CDH13: variants seen among roughly 807,000 people sequenced by gnomAD.
CDH13 encodes the protein cadherin 13.
CDH13 carries 24 observed loss-of-function variants against 63.8 expected under a neutral mutation model. That is an observed-to-expected ratio of 0.38 (90% CI 0.27 to 0.53). CDH13 has a LOEUF of 0.53. Ranked by LOEUF, CDH13 falls within the 20% of genes least tolerant of loss-of-function variation. CDH13 has a pLI of 0.85. For synonymous variants in CDH13, 503 were observed against 355.3 expected, an observed-to-expected ratio of 1.42 and a Z score of -4.67; for missense variants, 1,049 against 903.1, an observed-to-expected ratio of 1.16 and a Z score of -2.07.
rs111875920 is a variant in CDH13 at position 83,421,783 on chromosome 16, C to A, written c.782-64694C>A. ...TGTGGTGAACAGCCAACAAGATTGG[C>A]CACAGTGGAATTAACGACATCAGTG... On this transcript the variant is annotated intron_variant, in intron 6 of 13. Transcript: ENST00000567109. Among the ~76,000 whole-genome samples, 4 of 152,240 alleles carry A rather than the reference C, an allele frequency of 2.6e-5. 1 individual carries two copies. Among genetic ancestry groups the A allele is most frequent in the African/African-American group, 9.6e-5 (4 of 41,528 alleles).
intron 7 of CDH13, among the ~76,000 whole-genome samples, chr16:83,554,340 G>A (rs1034029759): frequency 5.3e-5 from 8 of 152,084 alleles, no homozygotes; most frequent in African/African-American, 9.7e-5. Flanking sequence ...AAATGAGATC[G>A]AAGAAGAGAT....
chr16:82,756,055 C>T (rs572432597), intron 1 of CDH13, among the ~76,000 whole-genome samples: 1 of 152,236 alleles, frequency 6.6e-6, no homozygotes, highest in East Asian at 1.9e-4. Context: ...GTGGTATTTT[C>T]AAGTTTATGC....
At chr16:83,689,383 C>G (rs888152069) in intron 10 of CDH13, among the ~76,000 whole-genome samples, 1 of 152,106 alleles carries the variant, frequency 6.6e-6, no homozygotes, top group African/African-American at 2.4e-5. Context: ...AGGATTGCAA[C>G]AGAAGTCAGT....
chr16:82,841,941 A>G (rs999183257), intron 1 of CDH13, among the ~76,000 whole-genome samples: 1 of 151,518 alleles, frequency 6.6e-6, no homozygotes, highest in Admixed American at 6.6e-5. Flanking sequence ...TGCCCTGGAC[A>G]TTGTCAAAAC....
chr16:83,580,844 A>G (rs1385263350), intron 7 of CDH13, among the ~76,000 whole-genome samples: 1 of 152,100 alleles, frequency 6.6e-6, no homozygotes, highest in Non-Finnish European at 1.5e-5. Flanking sequence ...TTCTTATTAA[A>G]GTTTCCATGC....
At chr16:83,291,418 G>C (rs968600466) in intron 5 of CDH13, among the ~76,000 whole-genome samples, 1 of 151,974 alleles carries the variant, frequency 6.6e-6, no homozygotes, top group Non-Finnish European at 1.5e-5. Context: ...GAGGTTTGGC[G>C]ACCCAGCTAC....
intron 6 of CDH13, among the ~76,000 whole-genome samples, chr16:83,468,337 A>G (rs2073368935): frequency 6.6e-6 from 1 of 152,208 alleles, no homozygotes. Context: ...TGTGGCCGCC[A>G]GCCAAAGAAT....
intron 6 of CDH13, among the ~76,000 whole-genome samples, chr16:83,401,901 A>T (rs911429946): frequency 6.6e-6 from 1 of 152,174 alleles, no homozygotes; most frequent in Non-Finnish European, 1.5e-5. Context: ...TGCACTGAAT[A>T]TATTCGTTTC....
In CDH13 at chr16:83,298,661, A is replaced by G. The variant is rs547685285; in HGVS notation, c.637-46201A>G. On this transcript the variant is annotated intron_variant, in intron 5 of 13. Transcript: ENST00000567109. Reference sequence around the variant, plus strand: ...TTGATTTCCTTAGAAAACCTTCAAAACAGCAGTGTCACAGAATCACTCTTG... The same window carrying G: ...TTGATTTCCTTAGAAAACCTTCAAAGCAGCAGTGTCACAGAATCACTCTTG... 3.3e-5 allele frequency among the ~76,000 whole-genome samples: 5 copies of G among 152,322 alleles called. No homozygotes were observed. In the East Asian group the frequency reaches 9.7e-4, roughly 29 times the overall value.
intron 1 of CDH13, among the ~76,000 whole-genome samples, chr16:82,647,296 A>G (rs2150900536): frequency 6.6e-6 from 1 of 152,352 alleles, no homozygotes; most frequent in South Asian, 2.1e-4. Context: ...GAGGAAATGG[A>G]CAGATAGGAC....
At chr16:82,803,889 G>A (rs1171687326) in intron 1 of CDH13, among the ~76,000 whole-genome samples, 1 of 152,126 alleles carries the variant, frequency 6.6e-6, no homozygotes, top group African/African-American at 2.4e-5. Flanking sequence ...GAGATGTTTT[G>A]TACAACTTAG....
At chr16:83,755,401 C>T (rs1913425075) in intron 11 of CDH13, among the ~76,000 whole-genome samples, 1 of 151,976 alleles carries the variant, frequency 6.6e-6, no homozygotes, top group East Asian at 1.9e-4. Flanking sequence ...GATGTAATGT[C>T]CAGGAATTTT....
At chr16:83,429,337 T>C (rs2072017578) in intron 6 of CDH13, among the ~76,000 whole-genome samples, 1 of 152,202 alleles carries the variant, frequency 6.6e-6, no homozygotes, top group Non-Finnish European at 1.5e-5. Flanking sequence ...AGGGGACTTA[T>C]GCAAACCTCT....
At chr16:83,310,511 G>A (rs994441750) in intron 5 of CDH13, among the ~76,000 whole-genome samples, 12 of 152,222 alleles carry the variant, frequency 7.9e-5, no homozygotes, top group African/African-American at 2.9e-4. Flanking sequence ...CAAATTGGAA[G>A]TAAGACAGGT....
At chr16:83,447,162 C>A (rs1398432791) in intron 6 of CDH13, among the ~76,000 whole-genome samples, 4 of 114,232 alleles carry the variant, frequency 3.5e-5, no homozygotes, top group African/African-American at 3.4e-5. Context: ...CGCCTGTAAT[C>A]CCAGCTCTTT....
intron 4 of CDH13, among the ~76,000 whole-genome samples, chr16:83,138,937 G>A (rs2036414340): frequency 6.6e-6 from 1 of 152,142 alleles, no homozygotes; most frequent in Admixed American, 6.5e-5. Context: ...GAGTGAGGAG[G>A]TAGAGGAAGG....
intron 2 of CDH13, among the ~76,000 whole-genome samples, chr16:82,866,616 G>C (rs1441411573): frequency 2.6e-5 from 4 of 151,730 alleles, no homozygotes; most frequent in African/African-American, 4.8e-5. Context: ...TCTCGTATTA[G>C]TCTGTTTTCA....
At chr16:83,385,073 T>G (rs368677668) in intron 6 of CDH13, among the ~76,000 whole-genome samples, 2 of 152,168 alleles carry the variant, frequency 1.3e-5, no homozygotes, top group East Asian at 3.9e-4. Flanking sequence ...GTATGGAAAA[T>G]GTAATGGGTC....
chr16:83,446,640 T>C (rs372235241), intron 6 of CDH13, among the ~76,000 whole-genome samples: 71 of 152,314 alleles, frequency 4.7e-4, no homozygotes, highest in African/African-American at 1.7e-3. Context: ...CTCCTCTCTT[T>C]CTGGTGGTAA....
Sources: gnomAD v4.1 joint callset for allele counts (sites outside exome capture counted in the v4.1 genomes callset) on GRCh38, gnomAD v4.1.1 for gene constraint, MANE v1.5 for transcripts, NCBI Gene and HGNC (gene_info 2026-07-23, HGNC 2026-07-21) for gene names.